Variants in CSE1L observed in about 807,000 individuals in gnomAD.
CSE1L encodes the protein chromosome segregation 1 like.
In CSE1L, 24 loss-of-function variants were observed where a neutral mutation model predicts 120.4. That is an observed-to-expected ratio of 0.20 (90% CI 0.14 to 0.28). The LOEUF (loss-of-function observed/expected upper bound fraction) is 0.28, where lower values mean the gene tolerates loss of function less well. Among genes scored for constraint, CSE1L ranks in the 10% least tolerant of loss-of-function variants. The pLI is 1.00. For synonymous variants in CSE1L, 402 were observed against 398.3 expected (o/e 1.01, Z -0.11); for missense variants, 830 against 1,145.2 (o/e 0.72, Z 3.97).
chr20:49,095,276 C>T (rs373509818), intron 24 of CSE1L: 3 of 295,842 alleles, frequency 1.0e-5, no homozygotes, highest in Admixed American at 4.9e-5. Flanking sequence ...TTTCCCAGAT[C>T]GAAGTAATCC....
chr20:49,065,110 G>T (rs1183189272), intron 3 of CSE1L, among the ~76,000 whole-genome samples: 1 of 149,976 alleles, frequency 6.7e-6, no homozygotes, highest in Non-Finnish European at 1.5e-5. Flanking sequence ...AGTGAGCCAA[G>T]GTTTTGTGCT....
chr20:49,071,511 TCTCA>T (rs1443764044), intron 8 of CSE1L, among the ~76,000 whole-genome samples: 2 of 152,158 alleles, frequency 1.3e-5, no homozygotes. Context: ...TCTTCCCTTG[TCTCA>T]CTCTGTCACC....
chr20:49,056,514 G>A (rs1369300619), intron 1 of CSE1L, among the ~76,000 whole-genome samples: 1 of 152,184 alleles, frequency 6.6e-6, no homozygotes, highest in East Asian at 1.9e-4. Context: ...TGTCACCACA[G>A]TCCAATTTTA....
chr20:49,060,334 T>C (rs919173072), intron 2 of CSE1L, among the ~76,000 whole-genome samples: 1 of 150,836 alleles, frequency 6.6e-6, no homozygotes, highest in Admixed American at 6.6e-5. Flanking sequence ...ATACAAAAAT[T>C]AGCTGGGCGT....
At position 49,089,734 on chromosome 20, in the gene CSE1L, A is replaced by C; in HGVS notation, c.2169A>C (p.Ala723=). ...ERGSNTIASA[A]ADKIPGLLGV... ...GTTCAAACACAATAGCAAGTGCTGC[A>C]GCTGACAAAATTGTGCGTCAGGTTT... The change falls in exon 19 of 25, where the codon GCA becomes GCC. Residue 723 remains alanine, a synonymous_variant. Coordinates refer to ENST00000262982, the MANE Select transcript of CSE1L (RefSeq NM_001316.4). The C allele has an allele frequency of 6.2e-7, 1 of 1,614,172 alleles. No individual in the cohort carries two copies. Among genetic ancestry groups the C allele is most frequent in the Non-Finnish European group, 8.5e-7 (1 of 1,179,992 alleles).
At position 49,070,260 on chromosome 20, in the gene CSE1L, C is replaced by G; in HGVS notation, c.731C>G (p.Thr244Ser). The change falls in exon 8 of 25, where the codon ACT becomes AGT. Residue 244 changes from threonine (T) to serine (S), a missense_variant. Thr to Ser is a moderately conservative substitution (Grantham distance 58). Coordinates refer to ENST00000262982, the MANE Select transcript of CSE1L (RefSeq NM_001316.4). ...GAAACTTGGATGAATAATTTTCATA[C>G]TCTCTTAACATTGGATAATAAGCTT... ...NMETWMNNFH[T>S]LLTLDNKLLQ... 6.8e-7 allele frequency: 1 copy of G among 1,466,908 alleles called. No homozygotes were observed. The highest frequency in any genetic ancestry group is 1.2e-5 in the South Asian group (1 of 80,084). The allele number at this position is 1,466,908 out of a possible 1,614,324, so 90.9% of individuals were successfully genotyped here. A position where few individuals can be genotyped will look rare whatever the true frequency, so the allele number is the denominator to read the frequency against.
chr20:49,068,441 AAAAC>A (rs1445845269), intron 6 of CSE1L, among the ~76,000 whole-genome samples: 8 of 152,014 alleles, frequency 5.3e-5, no homozygotes, highest in Admixed American at 1.3e-4. Context: ...ACAAAAAACA[AAAAC>A]AAAATTAGCC....
chr20:49,070,167 T>C, intron 7 of CSE1L, 38 bp from the exon 8 acceptor site: 2 of 986,962 alleles, frequency 2.0e-6, no homozygotes, highest in South Asian at 1.5e-5. Flanking sequence ...GTTCTTAATA[T>C]TTTAATCAAA....
Position 49,058,556 on chromosome 20 carries a change from AAAT to A in CSE1L, c.85+11_85+13del, listed in dbSNP as rs1182190176. 5.0e-6 allele frequency: 8 copies of A among 1,610,862 alleles called. No individual in the cohort carries two copies. Among genetic ancestry groups the A allele is most frequent in the Admixed American group, 1.7e-5 (1 of 59,830 alleles). On this transcript the variant is annotated intron_variant, in intron 2 of 24. Coordinates refer to ENST00000262982, the MANE Select transcript of CSE1L (RefSeq NM_001316.4). Reference sequence around the variant, plus strand: ...CTGCCATCCGACGTCCAGGTAAAGAAAATAAACGTTTTTTGGTTGATTAATTCC... The same window carrying A: ...CTGCCATCCGACGTCCAGGTAAAGAAAAACGTTTTTTGGTTGATTAATTCC...
At chr20:49,079,823 T>C (rs1452078089) in intron 14 of CSE1L, among the ~76,000 whole-genome samples, 2 of 152,150 alleles carry the variant, frequency 1.3e-5, no homozygotes, top group Non-Finnish European at 2.9e-5. Flanking sequence ...CTTGTGCCTG[T>C]AATCCCAACA....
At chr20:49,094,431 G>A (rs765840525) in intron 23 of CSE1L, 145 bp downstream of exon 23, 25 of 824,394 alleles carry the variant, frequency 3.0e-5, no homozygotes, top group Non-Finnish European at 4.3e-5. Flanking sequence ...CATGATTTCT[G>A]GATCCTTCTG....
At chr20:49,059,047 C>T (rs892529179) in intron 2 of CSE1L, among the ~76,000 whole-genome samples, 6 of 151,364 alleles carry the variant, frequency 4.0e-5, no homozygotes, top group East Asian at 1.9e-4. Context: ...AGGAGAATGG[C>T]GTGAACCCCG....
chr20:49,057,233 T>C (rs2091815825), intron 1 of CSE1L, among the ~76,000 whole-genome samples: 1 of 152,128 alleles, frequency 6.6e-6, no homozygotes, highest in African/African-American at 2.4e-5. Flanking sequence ...TATTATGTGA[T>C]TTAGTTTTGT....
chr20:49,078,564 A>G lies in CSE1L; in HGVS notation c.1424A>G (p.Asn475Ser), dbSNP rs748277435. The part of the protein sequence containing the change: ...ILPDLKSANV[N>S]EFPVLKADGI... ...GGCTTTCTGTTTTTTTATATAGTGA[A>G]TGAATTTCCTGTCCTTAAAGCTGAC... Residue 475 changes from asparagine to serine, a missense_variant, in exon 14 of 25, where the codon AAT becomes AGT. Coordinates refer to ENST00000262982, the MANE Select transcript of CSE1L (RefSeq NM_001316.4). 2 of 1,571,448 alleles carry G rather than the reference A, an allele frequency of 1.3e-6. No individual in the cohort carries two copies. Among genetic ancestry groups the G allele is most frequent in the Non-Finnish European group, 1.7e-6 (2 of 1,157,778 alleles).
chr20:49,096,038 A>T (rs938247715), intron 24 of CSE1L: 1 of 465,486 alleles, frequency 2.1e-6, no homozygotes, highest in Non-Finnish European at 4.0e-6. Flanking sequence ...TATTCTCTGT[A>T]TTGAGCAAGT....
chr20:49,085,562 A>AT (rs11471947), intron 16 of CSE1L, among the ~76,000 whole-genome samples, 176 bp downstream of exon 16: 1,987 of 79,866 alleles, frequency 0.025, 378 homozygotes, highest in South Asian at 0.057. Flanking sequence ...ACTAACAATA[A>AT]TTTTTTTTTT....
At chr20:49,052,494 CT>C (rs1317946727) in intron 1 of CSE1L, among the ~76,000 whole-genome samples, 1 of 152,124 alleles carries the variant, frequency 6.6e-6, no homozygotes, top group African/African-American at 2.4e-5. Flanking sequence ...AGGGAGAACT[CT>C]TGTGGCCAGT....
chr20:49,096,333 TTC>T lies in CSE1L; in HGVS notation c.2827-15_2827-14del, dbSNP rs1312957863. The T allele has an allele frequency of 1.2e-5, 20 of 1,603,968 alleles. No individual in the cohort carries two copies. The African/African-American group carries it at 2.7e-4, about 21-fold the overall frequency. On this transcript the variant is annotated splice_polypyrimidine_tract_variant and intron_variant, in intron 24 of 24. Coordinates refer to ENST00000262982, the MANE Select transcript of CSE1L (RefSeq NM_001316.4). ...AAGATCTCCAACAGCCAGTGTGTGT[TTC>T]CCATCTCTTGTAGGTTCCATCAATG...
chr20:49,096,178 C>A (rs2092139087), intron 24 of CSE1L, 171 bp from the exon 25 acceptor site: 3 of 707,976 alleles, frequency 4.2e-6, no homozygotes, highest in Non-Finnish European at 7.8e-6. Context: ...TTCTTTAGAC[C>A]TATTTTTGAA....
Sources: allele counts gnomAD v4.1 joint callset (sites outside exome capture counted in the v4.1 genomes callset), GRCh38; gene constraint gnomAD v4.1.1; transcripts MANE v1.5; gene names NCBI Gene and HGNC (gene_info 2026-07-23, HGNC 2026-07-21).